Variants in COL4A3 observed in about 807,000 individuals in gnomAD.
The protein encoded by COL4A3 is collagen type IV alpha 3 chain, also known as collagen alpha-3(IV) chain.
Under a neutral mutation model 217.4 loss-of-function variants are expected in COL4A3, and 135 were observed. The observed-to-expected ratio is 0.62, with a 90% CI of 0.54 to 0.72. The LOEUF (loss-of-function observed/expected upper bound fraction) is 0.72. COL4A3 is among the 30% of genes least tolerant of loss of function. The probability of loss-of-function intolerance (pLI) is 0.00; values close to 1 mark genes in which losing one functional copy is unlikely to be tolerated. For missense variants in COL4A3, 1,868 were observed against 2,119.9 expected, an observed-to-expected ratio of 0.88 and a Z score of 2.33; for synonymous variants, 690 against 736.3, an observed-to-expected ratio of 0.94 and a Z score of 1.02.
At position 227,298,741 on chromosome 2, in the gene COL4A3, G is replaced by A; in HGVS notation, c.3811G>A (p.Gly1271Arg). 1.9e-6 allele frequency: 3 copies of A among 1,614,078 alleles called. No individual in the cohort carries two copies. Among genetic ancestry groups the A allele is most frequent in the Non-Finnish European group, 2.5e-6 (3 of 1,180,000 alleles). Residue 1271 changes from glycine to arginine, a missense_variant, in exon 43 of 52, where the codon GGG (glycine) becomes AGG (arginine). Transcript: ENST00000396578. ...TGTAATAGGCATAAAAGGAGACAAA[G>A]GGTCTATGGGCCACCCTGGCCCAAA... ...SHVIGIKGDK[G>R]SMGHPGPKGP...
At chr2:227,273,831 G>A (rs766971573) in intron 26 of COL4A3, among the ~76,000 whole-genome samples, 7 of 152,160 alleles carry the variant, frequency 4.6e-5, no homozygotes, top group Non-Finnish European at 8.8e-5. Context: ...TAACTTTTGG[G>A]ATATACATAT....
In COL4A3 at chr2:227,248,532, C is replaced by T. The variant is rs1201297121; in HGVS notation, c.546+12C>T. ...CTCCAGGACCCCAGGTACAGCACTT[C>T]AGAGAAGGTCCCTATTATTCTCAGT... On this transcript the variant is annotated intron_variant, in intron 9 of 51. Transcript: ENST00000396578. 20 of 1,594,592 alleles carry T rather than the reference C, an allele frequency of 1.3e-5. No individual in the cohort carries two copies. The highest frequency in any genetic ancestry group is 1.5e-5 in the Non-Finnish European group (18 of 1,162,450).
chr2:227,256,749 C>T (rs975156695), intron 17 of COL4A3, among the ~76,000 whole-genome samples: 1 of 152,198 alleles, frequency 6.6e-6, no homozygotes, highest in African/African-American at 2.4e-5. Context: ...TAATCTGAGT[C>T]ATGATACATT....
Position 227,303,925 on chromosome 2 carries a change from C to G in COL4A3, c.4022C>G (p.Pro1341Arg). The G allele has an allele frequency of 1.2e-6, 2 of 1,614,174 alleles. No homozygotes were observed. The highest frequency in any genetic ancestry group is 1.7e-6 in the Non-Finnish European group (2 of 1,180,026). ...GPPGPIGPKG[P>R]PGVRGDPGTL... is the part of the protein sequence containing the mutation. ...CCAGGACCAATTGGGCCAAAAGGAC[C>G]ACCTGGTAAATAAACGTCCTTACTA... The change falls in exon 45 of 52, where the codon CCA becomes CGA. Residue 1341 changes from proline to arginine, a missense_variant. This residue lies in a region of COL4A3 where 1,503 missense variants were observed against 1,786.1 expected (regional missense o/e 0.84). Transcript: ENST00000396578.
At position 227,291,562 on chromosome 2, in the gene COL4A3, CAAAAAAA is replaced by C. The variant is rs869289707; in HGVS notation, c.3210+687_3210+693del. ...TGGGAGACACAGCGAGACTCCGTCTCAAAAAAAAAAAAAAAAACAAAAAAAAAAAACA... is the reference window on the plus strand; with the variant it reads ...TGGGAGACACAGCGAGACTCCGTCTCAAAAAAAAAACAAAAAAAAAAAACA... On this transcript the variant is annotated intron_variant, in intron 37 of 51. Coordinates refer to ENST00000396578, the MANE Select transcript of COL4A3 (RefSeq NM_000091.5). 2.7e-3 allele frequency among the ~76,000 whole-genome samples: 94 copies of C among 34,390 alleles called. 3 individuals carry two copies. Among genetic ancestry groups the C allele is most frequent in the Non-Finnish European group, 4.3e-3 (75 of 17,538 alleles). The allele number at this position is 34,390 out of a possible 152,430, so 22.6% of individuals were successfully genotyped here.
In COL4A3 at chr2:227,307,697, G is replaced by C; in HGVS notation, c.4253-13G>C. ...TTGTGTATGTTGCAACATTTAGAATGTGTTTTTTGAAGGACCAGCTGGATC... is the reference window on the plus strand; with the variant it reads ...TTGTGTATGTTGCAACATTTAGAATCTGTTTTTTGAAGGACCAGCTGGATC... On this transcript the variant is annotated splice_polypyrimidine_tract_variant and intron_variant, in intron 47 of 51. Transcript: ENST00000396578. 6.2e-7 allele frequency: 1 copy of C among 1,611,872 alleles called. No homozygotes were observed. The highest frequency in any genetic ancestry group is 8.5e-7 in the Non-Finnish European group (1 of 1,177,962).
chr2:227,213,896 T>C (rs2067421611), intron 1 of COL4A3, among the ~76,000 whole-genome samples: 1 of 105,030 alleles, frequency 9.5e-6, no homozygotes, highest in Non-Finnish European at 1.9e-5. Flanking sequence ...AGCAAAACTC[T>C]GTCTCAAAAA....
chr2:227,299,623 T>C (rs2073191996), intron 43 of COL4A3, among the ~76,000 whole-genome samples: 1 of 152,208 alleles, frequency 6.6e-6, no homozygotes, highest in Non-Finnish European at 1.5e-5. Flanking sequence ...TATACTCTTA[T>C]AAATTAATTG....
chr2:227,304,164 G>C lies in COL4A3; in HGVS notation c.4153+20G>C, dbSNP rs373381203. On this transcript the variant is annotated intron_variant, in intron 46 of 51. Transcript: ENST00000396578. ...ACCTAGGTGTGGGACTGGCAGCATT[G>C]ACTTGGATCACTAGGAAGTGGTTGA... 3 of 1,613,302 alleles carry C rather than the reference G, an allele frequency of 1.9e-6. No homozygotes were observed. Among genetic ancestry groups the C allele is most frequent in the Non-Finnish European group, 2.5e-6 (3 of 1,179,908 alleles).
At position 227,294,542 on chromosome 2, in the gene COL4A3, G is replaced by T. The variant is rs1321343652; in HGVS notation, c.3390G>T (p.Leu1130=). The T allele has an allele frequency of 6.8e-6, 11 of 1,613,294 alleles. No individual in the cohort carries two copies. Among genetic ancestry groups the T allele is most frequent in the Non-Finnish European group, 9.3e-6 (11 of 1,179,368 alleles). Residue 1130 remains leucine, a synonymous_variant, in exon 39 of 52, where the codon CTG becomes CTT. Coordinates refer to ENST00000396578, the MANE Select transcript of COL4A3 (RefSeq NM_000091.5). The stretch of plus-strand genomic sequence containing the variant: ...GTTTTAAAGGAATCAAAGGCCTCCT[G>T]GGCCCTCCAGGAATCAGAGGCCCTC... ...DLGFKGIKGL[L]GPPGIRGPPG...
intron 11 of COL4A3, among the ~76,000 whole-genome samples, chr2:227,252,641 G>A (rs890051034): frequency 6.6e-6 from 1 of 151,640 alleles, no homozygotes; most frequent in Non-Finnish European, 1.5e-5. Context: ...CACGCACCCT[G>A]AGAGATGGAT....
In COL4A3 at chr2:227,191,834, G is replaced by A. The variant is rs551948612; in HGVS notation, c.87+27021G>A. On this transcript the variant is annotated intron_variant, in intron 1 of 51. Transcript: ENST00000396578. This position sits in a 1 kb window ranked among gnomAD's most constrained non-coding sequence, Gnocchi z 6.8. ...GAACGCTAATAATAAGAAGAACTTA[G>A]AATATTACAGATTCTCTTACAAAAC... Among the ~76,000 whole-genome samples the A allele has an allele frequency of 2.6e-5, 4 of 152,180 alleles. No individual in the cohort carries two copies. Among genetic ancestry groups the A allele is most frequent in the South Asian group, 2.1e-4 (1 of 4,802 alleles).
At chr2:227,224,613 G>A (rs950302955) in intron 1 of COL4A3, among the ~76,000 whole-genome samples, 12 of 152,236 alleles carry the variant, frequency 7.9e-5, no homozygotes, top group East Asian at 3.9e-4. Flanking sequence ...TTAGCCAGGT[G>A]AGGTGGCGGC....
intron 36 of COL4A3, 61 bp from the exon 37 acceptor site, chr2:227,290,686 T>C (rs2106209970): frequency 6.4e-7 from 1 of 1,563,280 alleles, no homozygotes; most frequent in Middle Eastern, 2.3e-4. Context: ...AACTGAAAAG[T>C]AGAAAACTTC....
intron 1 of COL4A3, among the ~76,000 whole-genome samples, chr2:227,165,656 G>C (rs192977592): frequency 6.6e-6 from 1 of 152,250 alleles, no homozygotes; most frequent in East Asian, 1.9e-4. Context: ...CGTGGCATAG[G>C]AAATTTCATT....
chr2:227,309,338 G>A lies in COL4A3; in HGVS notation c.4755+20G>A. The A allele has an allele frequency of 6.3e-7, 1 of 1,580,046 alleles. No homozygotes were observed. The highest frequency in any genetic ancestry group is 8.7e-7 in the Non-Finnish European group (1 of 1,151,296). On this transcript the variant is annotated intron_variant, in intron 50 of 51. Coordinates refer to ENST00000396578, the MANE Select transcript of COL4A3 (RefSeq NM_000091.5). Reference sequence around the variant, plus strand: ...ATCATGGTGAGGAGAAAAGGAACAGGAGGTTTAGGGTAAAGACTACCTGTA... The same window carrying A: ...ATCATGGTGAGGAGAAAAGGAACAGAAGGTTTAGGGTAAAGACTACCTGTA...
At chr2:227,264,095 C>T (rs1684151991) in intron 21 of COL4A3, 151 bp downstream of exon 21, 1 of 879,436 alleles carries the variant, frequency 1.1e-6, no homozygotes. Flanking sequence ...CACTAACTGT[C>T]TGTGAAAGAA....
intron 6 of COL4A3, 187 bp downstream of exon 6, chr2:227,246,203 T>C: frequency 1.6e-6 from 1 of 639,012 alleles, no homozygotes; most frequent in Non-Finnish European, 2.8e-6. Context: ...TCTAATTGTC[T>C]TTTAAGGAAA....
Position 227,247,668 on chromosome 2 carries a change from C to A in COL4A3, c.468+84C>A. 3 of 1,309,912 alleles carry A rather than the reference C, an allele frequency of 2.3e-6. No homozygotes were observed. In the South Asian group the frequency reaches 3.5e-5, roughly 15 times the overall value. 81.1% of individuals were successfully genotyped at this position (1,309,912 alleles called of 1,614,324 possible). On this transcript the variant is annotated intron_variant, in intron 8 of 51. Coordinates refer to ENST00000396578, the MANE Select transcript of COL4A3 (RefSeq NM_000091.5). ...GTCTATTAAATAATGAGACTTAAGT[C>A]ATTACAAATAAGATTTCATAATCCA...
Sources: allele counts gnomAD v4.1 joint callset (sites outside exome capture counted in the v4.1 genomes callset), GRCh38; gene constraint gnomAD v4.1.1; regional missense constraint gnomAD v4.1.1; non-coding constraint Gnocchi (gnomAD v3.1); transcripts MANE v1.5; gene names NCBI Gene and HGNC (gene_info 2026-07-23, HGNC 2026-07-21).